The following NAV3 variants were observed in gnomAD, a reference collection of about 807,000 sequenced individuals.
The protein encoded by NAV3 is pore membrane and/or filament interacting like protein 1.
A neutral mutation model predicts 244.7 loss-of-function variants in NAV3; 87 were observed. That is an observed-to-expected ratio of 0.36 (90% CI 0.30 to 0.42). NAV3 has a LOEUF of 0.42. NAV3 is among the 20% of genes least tolerant of loss of function. The probability of loss-of-function intolerance (pLI) is 1.00; values close to 1 mark genes in which losing one functional copy is unlikely to be tolerated. For missense variants in NAV3, 2,663 were observed against 2,893.3 expected (o/e 0.92, Z 1.83); for synonymous variants, 1,126 against 1,042.2 (o/e 1.08, Z -1.55).
chr12:78,036,775 G>A (rs1367191679), intron 9 of NAV3: 1 of 600,370 alleles, frequency 1.7e-6, no homozygotes, highest in African/African-American at 1.9e-5. Context: ...AAGTGCATGT[G>A]ATAATCAAAA....
chr12:78,141,699 C>T (rs114691644), intron 20 of NAV3, among the ~76,000 whole-genome samples: 1,737 of 152,048 alleles, frequency 0.011, 32 homozygotes, highest in African/African-American at 0.038. Flanking sequence ...TAAGAAATCA[C>T]GATTAGTTTT....
At chr12:77,836,713 C>T (rs1028043913) in intron 1 of NAV3, among the ~76,000 whole-genome samples, 2 of 151,772 alleles carry the variant, frequency 1.3e-5, no homozygotes, top group African/African-American at 4.8e-5. Context: ...CTGGGTTTAC[C>T]CTATCATCCA....
At chr12:77,976,188 G>T (rs1414372198) in intron 5 of NAV3, among the ~76,000 whole-genome samples, 1 of 152,212 alleles carries the variant, frequency 6.6e-6, no homozygotes, top group Admixed American at 6.5e-5. Context: ...TTATTGCCAT[G>T]TGAGCTTTGA....
intron 12 of NAV3, among the ~76,000 whole-genome samples, chr12:78,079,076 CTGT>C (rs1953215079): frequency 6.6e-6 from 1 of 152,152 alleles, no homozygotes; most frequent in African/African-American, 2.4e-5. Flanking sequence ...CAAAATAAAA[CTGT>C]TATTTGAAAA....
intron 2 of NAV3, among the ~76,000 whole-genome samples, chr12:77,661,118 C>A (rs1306935295): frequency 1.3e-5 from 2 of 152,006 alleles, no homozygotes; most frequent in Non-Finnish European, 1.5e-5. Context: ...AGATTGTTGA[C>A]TAGAATGCTA....
At chr12:78,112,182 T>C (rs955774645) in intron 12 of NAV3, among the ~76,000 whole-genome samples, 2 of 152,178 alleles carry the variant, frequency 1.3e-5, no homozygotes, top group Non-Finnish European at 2.9e-5. Context: ...AATAATTTAA[T>C]TTGCTAGATA....
At chr12:77,750,989 A>G (rs755363183) in intron 2 of NAV3, among the ~76,000 whole-genome samples, 5 of 152,218 alleles carry the variant, frequency 3.3e-5, no homozygotes, top group Non-Finnish European at 7.3e-5. Flanking sequence ...GCAGTCTCAC[A>G]ACTAACTGTG....
chr12:78,116,276 GA>G (rs1955372878), intron 12 of NAV3, among the ~76,000 whole-genome samples: 2 of 152,174 alleles, frequency 1.3e-5, no homozygotes, highest in Non-Finnish European at 2.9e-5. Flanking sequence ...GGTGATCAAA[GA>G]ATAATGAGAC....
chr12:78,014,664 A>G (rs1287217869), intron 8 of NAV3, among the ~76,000 whole-genome samples: 2 of 152,128 alleles, frequency 1.3e-5, no homozygotes, highest in African/African-American at 4.8e-5. Context: ...AGAATGCAAA[A>G]CATTAGTTTT....
At chr12:77,798,910 C>A (rs1399468304) in intron 2 of NAV3, among the ~76,000 whole-genome samples, 1 of 152,194 alleles carries the variant, frequency 6.6e-6, no homozygotes, top group Non-Finnish European at 1.5e-5. Flanking sequence ...TGCTGCAGAA[C>A]AAAACACCCC....
chr12:77,714,826 GA>G (rs2137267055), intron 2 of NAV3, among the ~76,000 whole-genome samples: 1 of 152,128 alleles, frequency 6.6e-6, no homozygotes, highest in South Asian at 2.1e-4. Flanking sequence ...ATTTCAAATA[GA>G]TTATAGAAAA....
intron 33 of NAV3, among the ~76,000 whole-genome samples, chr12:78,189,211 A>G (rs1958862137): frequency 1.3e-5 from 2 of 151,892 alleles, no homozygotes; most frequent in African/African-American, 4.8e-5. Context: ...TCAAGGATGG[A>G]AAGTTCTGAG....
chr12:77,955,951 T>A (rs1420684551), intron 3 of NAV3, among the ~76,000 whole-genome samples: 1 of 152,210 alleles, frequency 6.6e-6, no homozygotes, highest in East Asian at 1.9e-4. Context: ...TGTGTCATAA[T>A]ATTTATTGCA....
chr12:78,040,393 G>T (rs2137070449), intron 9 of NAV3, among the ~76,000 whole-genome samples: 1 of 152,148 alleles, frequency 6.6e-6, no homozygotes, highest in Non-Finnish European at 1.5e-5. Flanking sequence ...AAACATGAGA[G>T]AAACCAGATA....
At chr12:78,177,508 A>G in intron 27 of NAV3, 112 bp from the exon 28 acceptor site, 25 of 1,175,972 alleles carry the variant, frequency 2.1e-5, no homozygotes, top group Non-Finnish European at 3.0e-5. Flanking sequence ...TCATTTTCAT[A>G]TGTTAGAATT....
chr12:77,577,634 C>A (rs1869154188), intron 2 of NAV3, among the ~76,000 whole-genome samples: 1 of 152,104 alleles, frequency 6.6e-6, no homozygotes, highest in African/African-American at 2.4e-5. Context: ...AGATATATAA[C>A]ACTCAATATA....
chr12:78,074,246 T>A (rs968246807), intron 12 of NAV3, among the ~76,000 whole-genome samples: 1 of 152,212 alleles, frequency 6.6e-6, no homozygotes, highest in African/African-American at 2.4e-5. Flanking sequence ...TTGGATATTT[T>A]ATAGACTTCT....
At chr12:78,042,037 T>A (rs1404559657) in intron 9 of NAV3, among the ~76,000 whole-genome samples, 3 of 152,178 alleles carry the variant, frequency 2.0e-5, no homozygotes, top group Non-Finnish European at 4.4e-5. Context: ...TGTCCCTCTC[T>A]TAATCTATCC....
rs76344026 is a variant in NAV3 at position 77,888,162 on chromosome 12, C to A, written c.244-52157C>A. 8.0e-3 allele frequency among the ~76,000 whole-genome samples: 1,221 copies of A among 151,854 alleles called. 11 individuals carry two copies. Among genetic ancestry groups the A allele is most frequent in the African/African-American group, 0.028 (1,167 of 41,360 alleles). ...AGGTTATTTAAATGTACATTTTAAA[C>A]CCATACTCTAACTAAAGTGGTTATC... On this transcript the variant is annotated intron_variant, in intron 1 of 39. Coordinates refer to ENST00000397909, the MANE Select transcript of NAV3 (RefSeq NM_001024383.2).
Sources: allele counts gnomAD v4.1 joint callset (sites outside exome capture counted in the v4.1 genomes callset), GRCh38; gene constraint gnomAD v4.1.1; transcripts MANE v1.5; gene names NCBI Gene and HGNC (gene_info 2026-07-23, HGNC 2026-07-21).